PXDNL: variants seen among roughly 807,000 people sequenced by gnomAD.
PXDNL encodes probable oxidoreductase PXDNL.
A neutral mutation model predicts 150.8 loss-of-function variants in PXDNL; 145 were observed. The ratio of observed to expected loss-of-function variants is 0.96; its 90% CI spans 0.84 to 1.10. The LOEUF is 1.10. PXDNL is among the 50% of genes least tolerant of loss of function. The probability of loss-of-function intolerance (pLI) is 0.00; values close to 1 mark genes in which losing one functional copy is unlikely to be tolerated. For missense variants in PXDNL, 2,087 were observed against 1,873.9 expected (o/e 1.11, Z -2.10); for synonymous variants, 757 against 725.7 (o/e 1.04, Z -0.69).
intron 19 of PXDNL, among the ~76,000 whole-genome samples, chr8:51,354,982 C>A (rs1417249363): frequency 6.6e-6 from 1 of 152,012 alleles, no homozygotes; most frequent in Non-Finnish European, 1.5e-5. Flanking sequence ...AATGTTCTCA[C>A]CTTGATTTCA....
At chr8:51,780,947 A>C (rs2037409296) in intron 1 of PXDNL, among the ~76,000 whole-genome samples, 2 of 149,152 alleles carry the variant, frequency 1.3e-5, no homozygotes, top group Non-Finnish European at 3.0e-5. Context: ...GGTGTGAACC[A>C]CTGCACCTGG....
At chr8:51,443,893 T>G (rs1366124191) in intron 12 of PXDNL, among the ~76,000 whole-genome samples, 1 of 152,226 alleles carries the variant, frequency 6.6e-6, no homozygotes. Flanking sequence ...TTCTTTTTTT[T>G]ATTATCCTTT....
At chr8:51,331,500 C>T (rs1039421324) in intron 21 of PXDNL, among the ~76,000 whole-genome samples, 12 of 152,240 alleles carry the variant, frequency 7.9e-5, no homozygotes, top group African/African-American at 2.2e-4. Flanking sequence ...CTGGGGAGGG[C>T]GTGAATCCGG....
chr8:51,675,205 A>T (rs763358529), intron 1 of PXDNL, among the ~76,000 whole-genome samples: 3 of 152,116 alleles, frequency 2.0e-5, no homozygotes, highest in Non-Finnish European at 1.5e-5. Context: ...CAAAATTCAG[A>T]TGTTGCCAAT....
chr8:51,591,287 G>A (rs1479538492), intron 3 of PXDNL, among the ~76,000 whole-genome samples: 4 of 152,096 alleles, frequency 2.6e-5, no homozygotes, highest in Non-Finnish European at 4.4e-5. Flanking sequence ...TGACTAAGAC[G>A]GTATGTTAGA....
At chr8:51,577,991 GA>G (rs1563471116) in intron 3 of PXDNL, among the ~76,000 whole-genome samples, 287 of 55,622 alleles carry the variant, frequency 5.2e-3, no homozygotes, top group East Asian at 0.012. Context: ...AAGAAAGAAA[GA>G]AAGAAAGAGG....
At chr8:51,743,908 A>AAAGGAAGGAAGGAAGGGAGGAAGGAAGG (rs2036933905) in intron 1 of PXDNL, among the ~76,000 whole-genome samples, 1 of 66,866 alleles carries the variant, frequency 1.5e-5, no homozygotes, top group Non-Finnish European at 3.2e-5. Flanking sequence ...GCTGAGAGAG[A>AAAGGAAGGAAGGAAGGGAGGAAGGAAGG]AAGGAAGGAA....
rs1270106689 is a variant in PXDNL at position 51,423,607 on chromosome 8, A to C, written c.1763T>G (p.Leu588Arg). The C allele has an allele frequency of 6.2e-7, 1 of 1,613,730 alleles. No individual in the cohort carries two copies. Among genetic ancestry groups the C allele is most frequent in the Non-Finnish European group, 8.5e-7 (1 of 1,179,804 alleles). ...TGTAAGAAACATGTTGGTCACAGCA[A>C]GGCCAAAAGAATTCCGAGCCACACA... ...YECVARNSFG[L>R]AVTNMFLTVT... The change falls in exon 14 of 23, where the codon CTT becomes CGT. Residue 588 changes from leucine (L) to arginine (R), a missense_variant. Coordinates refer to ENST00000356297, the MANE Select transcript of PXDNL (RefSeq NM_144651.5).
At chr8:51,798,233 A>G (rs2037583357) in intron 1 of PXDNL, among the ~76,000 whole-genome samples, 1 of 152,220 alleles carries the variant, frequency 6.6e-6, no homozygotes, top group East Asian at 1.9e-4. Flanking sequence ...TAAAAACCCT[A>G]GAAGGAAACC....
chr8:51,665,523 AG>A (rs1815365675), intron 1 of PXDNL, among the ~76,000 whole-genome samples: 1 of 152,226 alleles, frequency 6.6e-6, no homozygotes, highest in Non-Finnish European at 1.5e-5. Context: ...GCAAACTGCG[AG>A]CTCTTGAAGA....
intron 1 of PXDNL, among the ~76,000 whole-genome samples, chr8:51,761,025 AT>A (rs71237238): frequency 0.01 from 1,159 of 114,434 alleles, 16 homozygotes; most frequent in African/African-American, 0.035. Flanking sequence ...CGCCCGGCTA[AT>A]TTTTTTTTTT....
intron 19 of PXDNL, among the ~76,000 whole-genome samples, chr8:51,369,374 G>A (rs1286275998): frequency 6.6e-6 from 1 of 152,216 alleles, no homozygotes; most frequent in African/African-American, 2.4e-5. Context: ...CAATGTTTCT[G>A]TTAATTGGGA....
intron 8 of PXDNL, among the ~76,000 whole-genome samples, 185 bp from the exon 9 acceptor site, chr8:51,457,852 T>C (rs540816111): frequency 5.4e-4 from 82 of 152,330 alleles, no homozygotes; most frequent in African/African-American, 1.9e-3. Flanking sequence ...ATTTCAAGAA[T>C]ACACCCTGAA....
intron 1 of PXDNL, among the ~76,000 whole-genome samples, chr8:51,803,830 T>C (rs1262767012): frequency 6.6e-6 from 1 of 152,202 alleles, no homozygotes; most frequent in African/African-American, 2.4e-5. Context: ...ACCTAATTAA[T>C]GTACACCGTT....
At position 51,321,405 on chromosome 8, in the gene PXDNL, G is replaced by A. The variant is rs184390474; in HGVS notation, c.4147-508C>T. On this transcript the variant is annotated intron_variant, in intron 21 of 22. Transcript: ENST00000356297. Reference sequence around the variant, plus strand: ...CAGCTATAAGCCTTTAGATAATAACGGTCTTTAGGAATCCCAAGGGGAGCA... The same window carrying A: ...CAGCTATAAGCCTTTAGATAATAACAGTCTTTAGGAATCCCAAGGGGAGCA... Among the ~76,000 whole-genome samples the A allele has an allele frequency of 1.5e-3, 224 of 152,214 alleles. 1 individual carries two copies. The highest frequency in any genetic ancestry group is 3.5e-3 in the Admixed American group (53 of 15,278).
At chr8:51,427,052 C>A (rs1809123846) in intron 12 of PXDNL, among the ~76,000 whole-genome samples, 2 of 152,120 alleles carry the variant, frequency 1.3e-5, no homozygotes. Flanking sequence ...TTTCATTATT[C>A]TTTCTCAGTA....
chr8:51,682,974 G>C (rs1284501111), intron 1 of PXDNL, among the ~76,000 whole-genome samples: 2 of 151,564 alleles, frequency 1.3e-5, no homozygotes, highest in Non-Finnish European at 2.9e-5. Context: ...ATATCTCTTC[G>C]AGATCCTGAT....
At chr8:51,674,521 G>A (rs1563503006) in intron 1 of PXDNL, among the ~76,000 whole-genome samples, 1 of 152,210 alleles carries the variant, frequency 6.6e-6, no homozygotes, top group Non-Finnish European at 1.5e-5. Flanking sequence ...TAACATAAGT[G>A]ACTATGATTG....
At chr8:51,594,258 C>T (rs866673106) in intron 2 of PXDNL, among the ~76,000 whole-genome samples, 2 of 152,234 alleles carry the variant, frequency 1.3e-5, no homozygotes, top group Middle Eastern at 6.8e-3. Context: ...GTATGTGACA[C>T]ATGTATATAG....
Sources: allele counts gnomAD v4.1 joint callset (sites outside exome capture counted in the v4.1 genomes callset), GRCh38; gene constraint gnomAD v4.1.1; transcripts MANE v1.5; gene names NCBI Gene and HGNC (gene_info 2026-07-23, HGNC 2026-07-21).